Variants in REEP1 observed in about 807,000 individuals in gnomAD.
The protein encoded by REEP1 is receptor expression-enhancing protein 1.
In REEP1, 22 loss-of-function variants were observed where a neutral mutation model predicts 40.3. The ratio of observed to expected loss-of-function variants is 0.55; its 90% confidence interval spans 0.39 to 0.78. The LOEUF (loss-of-function observed/expected upper bound fraction) is 0.78. Among genes scored for constraint, REEP1 ranks in the 30% least tolerant of loss-of-function variants. The pLI, the probability that REEP1 is intolerant of heterozygous loss-of-function variation, is 0.00. For synonymous variants in REEP1, 116 were observed against 139.2 expected (o/e 0.83, Z 1.17); for missense variants, 280 against 361.1 (o/e 0.78, Z 1.82).
At chr2:86,335,264 T>C (rs1392870402) in intron 1 of REEP1, among the ~76,000 whole-genome samples, 1 of 152,226 alleles carries the variant, frequency 6.6e-6, no homozygotes, top group Non-Finnish European at 1.5e-5. Flanking sequence ...ATGAAACAGG[T>C]ATTGCTTATT....
intron 3 of REEP1, among the ~76,000 whole-genome samples, chr2:86,257,788 C>G (rs1021021019): frequency 1.3e-5 from 2 of 152,288 alleles, no homozygotes; most frequent in East Asian, 3.9e-4. Context: ...CAGGCGTGCA[C>G]CACAATGCCC....
intron 5 of REEP1, among the ~76,000 whole-genome samples, chr2:86,248,051 T>C (rs751785402): frequency 5.9e-5 from 9 of 152,328 alleles, no homozygotes; most frequent in Non-Finnish European, 1.2e-4. Context: ...TTAAGCTCCA[T>C]AGTTTCCTCC....
intron 1 of REEP1, among the ~76,000 whole-genome samples, chr2:86,332,625 G>T (rs1680829177): frequency 6.6e-6 from 1 of 152,174 alleles, no homozygotes; most frequent in Non-Finnish European, 1.5e-5. Context: ...TCAGAAGGAA[G>T]TGGGGAGACT....
chr2:86,300,647 C>G (rs1233125699), intron 1 of REEP1, among the ~76,000 whole-genome samples: 1 of 152,126 alleles, frequency 6.6e-6, no homozygotes, highest in African/African-American at 2.4e-5. Flanking sequence ...AACTGCCTTC[C>G]AGGTCCCAGG....
chr2:86,281,619 C>T (rs1039277684), intron 2 of REEP1, among the ~76,000 whole-genome samples: 2 of 152,120 alleles, frequency 1.3e-5, no homozygotes, highest in African/African-American at 4.8e-5. Flanking sequence ...CAGAGTGAGA[C>T]TCCGGCTCAA....
intron 6 of REEP1, among the ~76,000 whole-genome samples, chr2:86,230,794 T>C (rs6547666): frequency 0.87 from 132,608 of 152,186 alleles, 58,333 homozygotes; most frequent in East Asian, 0.98. Context: ...AGATGGTAAA[T>C]AGCTCGCCCG....
intron 1 of REEP1, among the ~76,000 whole-genome samples, chr2:86,321,730 G>A (rs1209054730): frequency 6.6e-6 from 1 of 152,182 alleles, no homozygotes; most frequent in Non-Finnish European, 1.5e-5. Flanking sequence ...GAAAGTGTTA[G>A]ATAAAATATA....
intron 1 of REEP1, among the ~76,000 whole-genome samples, chr2:86,329,402 A>G (rs549151197): frequency 6.6e-6 from 1 of 152,196 alleles, no homozygotes. Flanking sequence ...CCTCCTGTCC[A>G]TATCAAAAGG....
chr2:86,280,731 C>G (rs1164984397), intron 2 of REEP1, among the ~76,000 whole-genome samples: 1 of 152,086 alleles, frequency 6.6e-6, no homozygotes, highest in Non-Finnish European at 1.5e-5. Context: ...TCCCTGCTTA[C>G]GAACAGCAAG....
At chr2:86,305,350 C>T (rs146587252) in intron 1 of REEP1, among the ~76,000 whole-genome samples, 6 of 152,322 alleles carry the variant, frequency 3.9e-5, no homozygotes, top group Non-Finnish European at 7.4e-5. Flanking sequence ...TTTCTGTGTA[C>T]CCGTTTCCTC....
chr2:86,263,431 G>T (rs1676967356), intron 3 of REEP1, among the ~76,000 whole-genome samples: 1 of 152,064 alleles, frequency 6.6e-6, no homozygotes, highest in African/African-American at 2.4e-5. Flanking sequence ...CAGAGATGGG[G>T]TTTCGCCATG....
chr2:86,242,026 C>CT (rs376370772), intron 5 of REEP1, among the ~76,000 whole-genome samples: 71 of 145,876 alleles, frequency 4.9e-4, no homozygotes, highest in Admixed American at 8.2e-4. Flanking sequence ...CAGGGCCTGA[C>CT]TTTTTTTTTT....
chr2:86,284,951 C>T (rs1678310402), intron 1 of REEP1, among the ~76,000 whole-genome samples: 1 of 152,180 alleles, frequency 6.6e-6, no homozygotes, highest in Non-Finnish European at 1.5e-5. Flanking sequence ...ATCTCACTGC[C>T]CTGGGGAAGG....
intron 1 of REEP1, among the ~76,000 whole-genome samples, chr2:86,322,188 AAAG>A (rs1372543671): frequency 1.3e-5 from 2 of 152,230 alleles, no homozygotes; most frequent in African/African-American, 2.4e-5. Context: ...GAAAGTCATT[AAAG>A]AAGACCCAAA....
At chr2:86,251,386 C>T (rs1321671367) in intron 5 of REEP1, 1 of 163,862 alleles carries the variant, frequency 6.1e-6, no homozygotes, top group East Asian at 1.7e-4. Context: ...ACCTCCTCCA[C>T]TTCAGTTGTT....
At chr2:86,231,254 T>C (rs890446314) in intron 6 of REEP1, among the ~76,000 whole-genome samples, 2 of 151,552 alleles carry the variant, frequency 1.3e-5, no homozygotes, top group Admixed American at 1.3e-4. Context: ...CCTCGGGGGG[T>C]AACCCCTCCC....
At chr2:86,286,823 C>T (rs1414849995) in intron 1 of REEP1, among the ~76,000 whole-genome samples, 7 of 152,168 alleles carry the variant, frequency 4.6e-5, no homozygotes, top group Admixed American at 2.0e-4. Context: ...CCACAGTCTT[C>T]TCAGGCATCC....
chr2:86,306,908 T>G (rs1404937142), intron 1 of REEP1, among the ~76,000 whole-genome samples: 4 of 151,820 alleles, frequency 2.6e-5, no homozygotes, highest in Non-Finnish European at 4.4e-5. Flanking sequence ...AAAACCCTTT[T>G]GAAAAGCCAC....
At chr2:86,318,244 A>G (rs770196557) in intron 1 of REEP1, among the ~76,000 whole-genome samples, 9 of 152,204 alleles carry the variant, frequency 5.9e-5, no homozygotes, top group Non-Finnish European at 1.0e-4. Context: ...AGATCCACTC[A>G]AACTGTAAGA....
Sources: allele counts gnomAD v4.1 joint callset (sites outside exome capture counted in the v4.1 genomes callset), GRCh38; gene constraint gnomAD v4.1.1; transcripts MANE v1.5; gene names NCBI Gene and HGNC (gene_info 2026-07-23, HGNC 2026-07-21).